The following COL24A1 variants were observed in gnomAD, a reference collection of about 807,000 sequenced individuals.
The protein encoded by COL24A1 is collagen type XXIV alpha 1 chain, also known as collagen alpha-1(XXIV) chain.
A neutral mutation model predicts 253.9 loss-of-function variants in COL24A1; 224 were observed. The ratio of observed to expected loss-of-function variants is 0.88; its 90% confidence interval spans 0.79 to 0.99. COL24A1 has a LOEUF of 0.99. COL24A1 is among the 50% of genes least tolerant of loss of function. The probability of loss-of-function intolerance (pLI) is 0.00; values close to 1 mark genes in which losing one functional copy is unlikely to be tolerated. For missense variants in COL24A1, 2,131 were observed against 2,068.5 expected (o/e 1.03, Z -0.59); for synonymous variants, 685 against 673.7 (o/e 1.02, Z -0.26).
intron 37 of COL24A1, among the ~76,000 whole-genome samples, chr1:85,866,610 C>A (rs980151901): frequency 1.3e-5 from 2 of 151,906 alleles, no homozygotes; most frequent in African/African-American, 4.8e-5. Context: ...CCCGTCTCTA[C>A]TAAAAATATA....
intron 47 of COL24A1, among the ~76,000 whole-genome samples, chr1:85,798,964 T>A (rs1250762192): frequency 1.3e-5 from 2 of 152,192 alleles, no homozygotes; most frequent in Non-Finnish European, 2.9e-5. Context: ...TGTTTTGCTT[T>A]TTCCTAAATG....
intron 24 of COL24A1, among the ~76,000 whole-genome samples, chr1:85,926,637 G>A (rs1433096069): frequency 6.6e-6 from 1 of 151,828 alleles, no homozygotes; most frequent in Non-Finnish European, 1.5e-5. Flanking sequence ...TGGACACAGG[G>A]CGGGGAACAT....
intron 19 of COL24A1, among the ~76,000 whole-genome samples, chr1:85,993,120 T>C (rs1463617351): frequency 6.6e-6 from 1 of 152,072 alleles, no homozygotes; most frequent in Non-Finnish European, 1.5e-5. Context: ...ACTAGCAGAT[T>C]CCATTAGTTT....
chr1:85,969,983 G>C (rs1423185402), intron 22 of COL24A1, among the ~76,000 whole-genome samples: 1 of 151,996 alleles, frequency 6.6e-6, no homozygotes, highest in Admixed American at 6.6e-5. Flanking sequence ...TAAATAATTT[G>C]CACAAATTAC....
In COL24A1 at chr1:86,086,972, C is replaced by T. The variant is rs80165623; in HGVS notation, c.1707+2202G>A. Among the ~76,000 whole-genome samples, 1,501 of 152,236 alleles carry T rather than the reference C, an allele frequency of 9.9e-3. 25 individuals carry two copies. Among genetic ancestry groups the T allele is most frequent in the African/African-American group, 0.034 (1,424 of 41,528 alleles). On this transcript the variant is annotated intron_variant, in intron 7 of 59. Coordinates refer to ENST00000370571, the MANE Select transcript of COL24A1 (RefSeq NM_152890.7). ...TACAAAATAATCTCAAATATTTCAA[C>T]GCTATTCTGAACTACTGTCAAATCA...
intron 24 of COL24A1, among the ~76,000 whole-genome samples, chr1:85,918,338 T>C (rs1390321442): frequency 6.6e-6 from 1 of 152,174 alleles, no homozygotes; most frequent in East Asian, 1.9e-4. Flanking sequence ...GACCCAGTTT[T>C]CCAAATGCTA....
chr1:85,969,055 C>T (rs980123084), intron 22 of COL24A1, among the ~76,000 whole-genome samples: 1 of 152,070 alleles, frequency 6.6e-6, no homozygotes, highest in Non-Finnish European at 1.5e-5. Context: ...CAACAAATAG[C>T]AACAACAATA....
chr1:85,834,582 A>T (rs1675786180), intron 43 of COL24A1, among the ~76,000 whole-genome samples: 1 of 152,174 alleles, frequency 6.6e-6, no homozygotes, highest in South Asian at 2.1e-4. Flanking sequence ...ATTGTGTGTA[A>T]AAATTCTATG....
At chr1:86,054,956 G>A (rs1700563806) in intron 10 of COL24A1, among the ~76,000 whole-genome samples, 1 of 152,078 alleles carries the variant, frequency 6.6e-6, no homozygotes, top group Non-Finnish European at 1.5e-5. Context: ...GAATACTACA[G>A]TGCCATAAAA....
At position 85,775,715 on chromosome 1, in the gene COL24A1, A is replaced by G; in HGVS notation, c.4339-6T>C. The G allele has an allele frequency of 3.1e-6, 5 of 1,602,158 alleles. No homozygotes were observed. The highest frequency in any genetic ancestry group is 4.3e-6 in the Non-Finnish European group (5 of 1,175,844). ...CCCTTTTCACCTCTGGGTCCCTAAA[A>G]GAAAAAAAAAAGATGTTAGTTCATT... On this transcript the variant is annotated splice_region_variant and splice_polypyrimidine_tract_variant and intron_variant, in intron 52 of 59. Coordinates refer to ENST00000370571, the MANE Select transcript of COL24A1 (RefSeq NM_152890.7).
intron 47 of COL24A1, among the ~76,000 whole-genome samples, chr1:85,812,383 T>C (rs902934956): frequency 2.0e-5 from 3 of 152,202 alleles, no homozygotes; most frequent in Non-Finnish European, 4.4e-5. Flanking sequence ...TTTGGATAGA[T>C]CTGCATTGAT....
intron 19 of COL24A1, among the ~76,000 whole-genome samples, chr1:85,992,799 C>T (rs1183162818): frequency 4.6e-5 from 7 of 152,138 alleles, no homozygotes. Flanking sequence ...TCAGTTAAGT[C>T]ATCCTATCAG....
chr1:86,124,223 T>TG (rs1157842496), intron 3 of COL24A1, among the ~76,000 whole-genome samples: 2 of 7,632 alleles, frequency 2.6e-4, no homozygotes, highest in Non-Finnish European at 6.1e-3. Flanking sequence ...GTGCCTTGGT[T>TG]GTTTTTTTCC....
intron 57 of COL24A1, among the ~76,000 whole-genome samples, chr1:85,743,472 C>T (rs1018043323): frequency 6.6e-5 from 10 of 152,154 alleles, no homozygotes; most frequent in Non-Finnish European, 1.3e-4. Context: ...TTGTGCTCCA[C>T]TTCCTATCAA....
At chr1:85,768,441 G>A (rs559435881) in intron 53 of COL24A1, among the ~76,000 whole-genome samples, 17 of 152,144 alleles carry the variant, frequency 1.1e-4, no homozygotes, top group East Asian at 7.7e-4. Flanking sequence ...ACAAGAAACC[G>A]GGAGTCCAGG....
At chr1:86,112,704 G>T in intron 4 of COL24A1, 84 bp from the exon 5 acceptor site, 1 of 1,279,228 alleles carries the variant, frequency 7.8e-7, no homozygotes, top group Non-Finnish European at 1.1e-6. Context: ...CTCAACATGT[G>T]TGATCCCTTT....
At chr1:85,895,942 C>T in intron 30 of COL24A1, 40 bp from the exon 31 acceptor site, 1 of 1,602,476 alleles carries the variant, frequency 6.2e-7, no homozygotes, top group East Asian at 2.2e-5. Context: ...GTAGTCCCCT[C>T]CAAAAAGATT....
intron 31 of COL24A1, among the ~76,000 whole-genome samples, chr1:85,891,217 ATTTTTTT>A (rs138122213): frequency 2.2e-4 from 28 of 127,090 alleles, no homozygotes; most frequent in Non-Finnish European, 4.1e-4. Flanking sequence ...CGCCCGGCTA[ATTTTTTT>A]TTTTTTTTTT....
At chr1:85,841,304 C>A in intron 41 of COL24A1, 26 bp from the exon 42 acceptor site, 1 of 1,508,348 alleles carries the variant, frequency 6.6e-7, no homozygotes, top group Non-Finnish European at 9.1e-7. Context: ...GATTTATAAA[C>A]AAAACTCAAT....
Sources: gnomAD v4.1 joint callset for allele counts (sites outside exome capture counted in the v4.1 genomes callset) on GRCh38, gnomAD v4.1.1 for gene constraint, MANE v1.5 for transcripts, NCBI Gene and HGNC (gene_info 2026-07-23, HGNC 2026-07-21) for gene names.